Variants in RHOU observed in about 807,000 individuals in gnomAD.
The protein encoded by RHOU is ras homolog family member U.
In RHOU, 8 loss-of-function variants were observed where a neutral mutation model predicts 12.6. The observed-to-expected ratio is 0.64, with a 90% CI of 0.37 to 1.15. The LOEUF (loss-of-function observed/expected upper bound fraction) is 1.15. RHOU is among the 50% of genes most tolerant of loss of function. RHOU has a pLI of 0.01. For synonymous variants in RHOU, 161 were observed against 147.4 expected, an observed-to-expected ratio of 1.09 and a Z score of -0.67; for missense variants, 258 against 347.0, an observed-to-expected ratio of 0.74 and a Z score of 2.04.
At chr1:228,694,598 T>C in the RHOU span, among the ~76,000 whole-genome samples, 1 of 152,200 alleles carries the variant, frequency 6.6e-6, no homozygotes, top group East Asian at 1.9e-4. Flanking sequence ...CTGCATTACT[T>C]TGCTGAGTAT....
the RHOU span, among the ~76,000 whole-genome samples, chr1:228,717,253 A>G: frequency 2.0e-5 from 3 of 152,232 alleles, no homozygotes; most frequent in Admixed American, 6.5e-5. Context: ...GATGCCTGGA[A>G]CTGCTCTGTT....
the RHOU span, among the ~76,000 whole-genome samples, chr1:228,726,697 T>A: frequency 4.6e-5 from 7 of 151,926 alleles, no homozygotes; most frequent in Non-Finnish European, 1.0e-4. Flanking sequence ...GCTCTAGAGA[T>A]TGAGTCCTGA....
chr1:228,697,605 A>G, the RHOU span, among the ~76,000 whole-genome samples: 1 of 152,188 alleles, frequency 6.6e-6, no homozygotes, highest in Non-Finnish European at 1.5e-5. Context: ...CTTGTCCCCA[A>G]ATCCAGAGGG....
At chr1:228,689,996 A>AT in the RHOU span, among the ~76,000 whole-genome samples, 1 of 149,204 alleles carries the variant, frequency 6.7e-6, no homozygotes. Context: ...TGAAACCGGA[A>AT]TTTAAAAAAA....
At chr1:228,659,116 C>T in the RHOU span, among the ~76,000 whole-genome samples, 9 of 152,284 alleles carry the variant, frequency 5.9e-5, no homozygotes, top group African/African-American at 1.7e-4. Flanking sequence ...TCATGGCTCA[C>T]GCCTGTAATC....
the RHOU span, among the ~76,000 whole-genome samples, chr1:228,684,388 G>A: frequency 2.6e-5 from 4 of 152,266 alleles, no homozygotes; most frequent in African/African-American, 7.2e-5. Context: ...GGAGTGCAGT[G>A]GCAAGATCTG....
chr1:228,684,245 C>T, the RHOU span, among the ~76,000 whole-genome samples: 2 of 152,170 alleles, frequency 1.3e-5, no homozygotes, highest in African/African-American at 4.8e-5. Flanking sequence ...CCCTGATGGC[C>T]AGGCTGGTCT....
chr1:228,661,624 A>G, the RHOU span, among the ~76,000 whole-genome samples: 1 of 152,232 alleles, frequency 6.6e-6, no homozygotes, highest in African/African-American at 2.4e-5. Flanking sequence ...CTGGCTAGCC[A>G]TATGTAGAAA....
chr1:228,680,031 G>T, the RHOU span, among the ~76,000 whole-genome samples: 1 of 152,126 alleles, frequency 6.6e-6, no homozygotes, highest in East Asian at 1.9e-4. Context: ...GTTTTAAGAG[G>T]TTAAGAAGCC....
chr1:228,706,540 G>A, the RHOU span, among the ~76,000 whole-genome samples: 1 of 152,158 alleles, frequency 6.6e-6, no homozygotes, highest in South Asian at 2.1e-4. Flanking sequence ...GGTAGGTTAC[G>A]GTCTGTTTAC....
At chr1:228,688,320 A>G in the RHOU span, among the ~76,000 whole-genome samples, 1 of 152,166 alleles carries the variant, frequency 6.6e-6, no homozygotes, top group Non-Finnish European at 1.5e-5. Flanking sequence ...TTTTCTCTGT[A>G]GCTGACACAG....
chr1:228,699,317 G>A, the RHOU span, among the ~76,000 whole-genome samples: 419 of 151,202 alleles, frequency 2.8e-3, 1 homozygote, highest in African/African-American at 9.7e-3. Context: ...GGGTGGTGGT[G>A]TGTGCCTGTG....
the RHOU span, among the ~76,000 whole-genome samples, chr1:228,720,383 A>G: frequency 6.6e-6 from 1 of 152,244 alleles, no homozygotes; most frequent in African/African-American, 2.4e-5. Context: ...TATATCCAAA[A>G]TATATAAATT....
chr1:228,646,675 G>T, the RHOU span, among the ~76,000 whole-genome samples: 323 of 148,860 alleles, frequency 2.2e-3, 2 homozygotes, highest in East Asian at 8.0e-3. Context: ...CTGATCTCGG[G>T]TGAGAGGGCC....
the RHOU span, among the ~76,000 whole-genome samples, chr1:228,709,809 CA>C: frequency 1.3e-5 from 2 of 152,086 alleles, no homozygotes; most frequent in Admixed American, 1.3e-4. Context: ...TAACTAAGAT[CA>C]GAGCAGAACT....
chr1:228,717,282 A>G, the RHOU span, among the ~76,000 whole-genome samples: 90 of 152,334 alleles, frequency 5.9e-4, no homozygotes, highest in Admixed American at 2.4e-3. Flanking sequence ...TAATAACATC[A>G]TGCATCAATC....
the RHOU span, among the ~76,000 whole-genome samples, chr1:228,727,633 C>T: frequency 6.6e-6 from 1 of 152,184 alleles, no homozygotes; most frequent in Admixed American, 6.6e-5. Flanking sequence ...TTGACAACTA[C>T]TAGAATATGT....
chr1:228,676,131 GCC>G, the RHOU span, among the ~76,000 whole-genome samples: 2 of 146,428 alleles, frequency 1.4e-5, no homozygotes, highest in South Asian at 2.2e-4. Flanking sequence ...TGCTGTAACC[GCC>G]CCCCCCCTTT....
At chr1:228,728,592 T>C in the RHOU span, among the ~76,000 whole-genome samples, 1 of 152,224 alleles carries the variant, frequency 6.6e-6, no homozygotes, top group Non-Finnish European at 1.5e-5. Flanking sequence ...TGATTAGCAC[T>C]GTGCTAAGCT....
Sources: allele counts gnomAD v4.1 joint callset (sites outside exome capture counted in the v4.1 genomes callset), GRCh38; gene constraint gnomAD v4.1.1; transcripts MANE v1.5; gene names NCBI Gene and HGNC (gene_info 2026-07-23, HGNC 2026-07-21).